ACTN4: variants seen among roughly 807,000 people sequenced by gnomAD.
ACTN4 encodes the protein actinin alpha 4, also known as alpha-actinin-4.
Under a neutral mutation model 114.2 loss-of-function variants are expected in ACTN4, and 18 were observed. The observed-to-expected ratio is 0.16, with a 90% confidence interval of 0.11 to 0.23. ACTN4 has a LOEUF of 0.23. ACTN4 is among the 10% of genes least tolerant of loss of function. The pLI, the probability that ACTN4 is intolerant of heterozygous loss-of-function variation, is 1.00. For missense variants in ACTN4, 722 were observed against 1,262.9 expected, an observed-to-expected ratio of 0.57 and a Z score of 6.49; for synonymous variants, 515 against 506.3, an observed-to-expected ratio of 1.02 and a Z score of -0.23.
intron 6 of ACTN4, among the ~76,000 whole-genome samples, chr19:38,708,747 T>G (rs34082501): frequency 0.056 from 8,581 of 152,214 alleles, 258 homozygotes; most frequent in South Asian, 0.096. Flanking sequence ...TGGGGTCAGA[T>G]CAGTGCTGCG....
chr19:38,707,596 A>G (rs1483821544), intron 5 of ACTN4, among the ~76,000 whole-genome samples: 1 of 152,124 alleles, frequency 6.6e-6, no homozygotes, highest in Non-Finnish European at 1.5e-5. Flanking sequence ...CAGCATGCCA[A>G]GTGAAATCCT....
chr19:38,709,301 CCCGGGTCTCT>C, intron 6 of ACTN4, 84 bp from the exon 7 acceptor site: 1 of 949,794 alleles, frequency 1.1e-6, no homozygotes. Context: ...CCCTCGCCCT[CCCGGGTCTCT>C]CCCTCTGGGC....
Position 38,710,389 on chromosome 19 carries a change from G to A in ACTN4, c.819+47G>A, listed in dbSNP as rs747896258. The A allele has an allele frequency of 5.1e-6, 8 of 1,582,146 alleles. No individual in the cohort carries two copies. The East Asian group carries it at 1.6e-4, about 31-fold the overall frequency. ...GCCCTCCTCGCCGCCACCGCGCAAT[G>A]CCGCCGCTGCCTCTCGCCTCCCGTG... On this transcript the variant is annotated intron_variant, in intron 8 of 20. Coordinates refer to ENST00000252699, the MANE Select transcript of ACTN4 (RefSeq NM_004924.6).
chr19:38,694,155 C>T (rs556387852), intron 1 of ACTN4, among the ~76,000 whole-genome samples: 5 of 152,212 alleles, frequency 3.3e-5, no homozygotes, highest in African/African-American at 9.6e-5. Context: ...CTGGGAGGAG[C>T]GGGGCCACCT....
intron 1 of ACTN4, among the ~76,000 whole-genome samples, chr19:38,650,393 C>T (rs1436552723): frequency 6.6e-6 from 1 of 152,086 alleles, no homozygotes; most frequent in Non-Finnish European, 1.5e-5. Context: ...CCAGAACCTC[C>T]AGGCCTTGCT....
chr19:38,655,537 C>T (rs565698825), intron 1 of ACTN4, among the ~76,000 whole-genome samples: 1 of 152,228 alleles, frequency 6.6e-6, no homozygotes, highest in African/African-American at 2.4e-5. Flanking sequence ...CTCATCTGGT[C>T]GAGGTGGGCA....
chr19:38,670,423 A>G (rs1167671599), intron 1 of ACTN4, among the ~76,000 whole-genome samples: 2 of 152,014 alleles, frequency 1.3e-5, no homozygotes, highest in Non-Finnish European at 2.9e-5. Flanking sequence ...AATGGATGTG[A>G]GTGTGCACCT....
At chr19:38,667,970 G>A (rs1967016069) in intron 1 of ACTN4, among the ~76,000 whole-genome samples, 2 of 152,232 alleles carry the variant, frequency 1.3e-5, no homozygotes, top group Admixed American at 6.5e-5. Context: ...CTATTTATAC[G>A]GCGGAAGGCA....
chr19:38,678,159 T>C (rs1205940872), intron 1 of ACTN4, among the ~76,000 whole-genome samples: 1 of 152,200 alleles, frequency 6.6e-6, no homozygotes, highest in Non-Finnish European at 1.5e-5. Context: ...TTGACCTGTG[T>C]CCGGGCAGCA....
intron 1 of ACTN4, among the ~76,000 whole-genome samples, chr19:38,677,045 C>T (rs1341218899): frequency 6.6e-6 from 1 of 152,198 alleles, no homozygotes; most frequent in Non-Finnish European, 1.5e-5. Context: ...TCATTCCTGC[C>T]TCCTGAGGGA....
intron 1 of ACTN4, among the ~76,000 whole-genome samples, chr19:38,673,706 T>C (rs1387595486): frequency 1.2e-5 from 1 of 81,012 alleles, no homozygotes; most frequent in Admixed American, 1.6e-4. Context: ...TATATTTATA[T>C]ATTTATATAT....
rs751748368 is a variant in ACTN4, at chr19:38,730,564, G to C, written c.*1132G>C. Reference sequence around the variant, plus strand: ...AGCATCATCTTTTTTTATTTCTCCTGTGTCTGTCCTCCACCTTCTAGGAGA... The same window carrying C: ...AGCATCATCTTTTTTTATTTCTCCTCTGTCTGTCCTCCACCTTCTAGGAGA... On this transcript the variant is annotated 3_prime_UTR_variant, in exon 21 of 21. Coordinates refer to ENST00000252699, the MANE Select transcript of ACTN4 (RefSeq NM_004924.6). The C allele has an allele frequency of 3.9e-6, 2 of 517,146 alleles. No individual in the cohort carries two copies. The highest frequency in any genetic ancestry group is 6.9e-6 in the Non-Finnish European group (2 of 289,336). 32.0% of individuals were successfully genotyped at this position (517,146 alleles called of 1,614,324 possible).
intron 1 of ACTN4, among the ~76,000 whole-genome samples, chr19:38,670,206 G>A (rs960354870): frequency 6.6e-6 from 1 of 152,174 alleles, no homozygotes; most frequent in Admixed American, 6.5e-5. Flanking sequence ...AAGGGAGTTG[G>A]GGATCACGTA....
chr19:38,679,608 T>G (rs921321058), intron 1 of ACTN4, among the ~76,000 whole-genome samples: 8 of 151,866 alleles, frequency 5.3e-5, no homozygotes, highest in African/African-American at 1.9e-4. Context: ...TGTATTTTTT[T>G]AGAGACAGGG....
chr19:38,650,432 TC>T, intron 1 of ACTN4, among the ~76,000 whole-genome samples: 1 of 151,946 alleles, frequency 6.6e-6, no homozygotes, highest in South Asian at 2.1e-4. Flanking sequence ...ACCTCCCAGC[TC>T]CCTTCCTCTG....
intron 1 of ACTN4, among the ~76,000 whole-genome samples, chr19:38,667,821 G>A (rs1281347075): frequency 1.3e-5 from 2 of 152,130 alleles, no homozygotes; most frequent in African/African-American, 2.4e-5. Context: ...CTGAAAAAAG[G>A]ACAAGGTTTG....
At chr19:38,687,170 A>G (rs1354731562) in intron 1 of ACTN4, among the ~76,000 whole-genome samples, 1 of 151,964 alleles carries the variant, frequency 6.6e-6, no homozygotes, top group Non-Finnish European at 1.5e-5. Flanking sequence ...GTCTCTACTA[A>G]TAGTTCAAGA....
In ACTN4 at chr19:38,647,769, C is replaced by A; in HGVS notation, c.24C>A (p.Asn8Lys). The change falls in exon 1 of 21, where the codon AAC becomes AAA. Residue 8 changes from asparagine (N) to lysine (K), a missense_variant. By Grantham distance (94) the Asn-to-Lys change is moderately conservative. Transcript: ENST00000252699. Reference sequence around the variant, plus strand: ...GAATGGTGGACTACCACGCGGCGAACCAGTCGTACCAGTACGGCCCCAGCA... The same window carrying A: ...GAATGGTGGACTACCACGCGGCGAAACAGTCGTACCAGTACGGCCCCAGCA... Reference protein sequence around the residue: MVDYHAANQSYQYGPSSA... With the variant: MVDYHAAKQSYQYGPSSA... The A allele has an allele frequency of 1.3e-6, 2 of 1,551,598 alleles. No individual in the cohort carries two copies. The highest frequency in any genetic ancestry group is 1.7e-6 in the Non-Finnish European group (2 of 1,150,682).
intron 1 of ACTN4, among the ~76,000 whole-genome samples, chr19:38,697,369 G>A (rs1816421066): frequency 6.6e-6 from 1 of 152,264 alleles, no homozygotes; most frequent in South Asian, 2.1e-4. Context: ...GTGTGTACAT[G>A]CACACACATG....
Sources: allele counts gnomAD v4.1 joint callset (sites outside exome capture counted in the v4.1 genomes callset), GRCh38; gene constraint gnomAD v4.1.1; transcripts MANE v1.5; gene names NCBI Gene and HGNC (gene_info 2026-07-23, HGNC 2026-07-21).